CYP4X1: variants seen among roughly 807,000 people sequenced by gnomAD.
CYP4X1 encodes cytochrome P450 4X1.
A neutral mutation model predicts 57.9 loss-of-function variants in CYP4X1; 44 were observed. The observed-to-expected ratio is 0.76, with a 90% CI of 0.60 to 0.98. CYP4X1 has a LOEUF of 0.98. Among genes scored for constraint, CYP4X1 ranks in the 50% least tolerant of loss-of-function variants. CYP4X1 has a pLI of 0.00. For missense variants in CYP4X1, 532 were observed against 623.9 expected (o/e 0.85, Z 1.57); for synonymous variants, 227 against 228.6 (o/e 0.99, Z 0.06).
chr1:46,980,568 A>G, the CYP4X1 span, among the ~76,000 whole-genome samples: 3 of 152,244 alleles, frequency 2.0e-5, no homozygotes, highest in Non-Finnish European at 4.4e-5. Context: ...TGTAATTTAT[A>G]GATTCAATGC....
chr1:47,046,415 A>G, intron 8 of CYP4X1, 52 bp from the exon 9 acceptor site: 3 of 1,602,310 alleles, frequency 1.9e-6, no homozygotes, highest in Non-Finnish European at 2.6e-6. Flanking sequence ...AAAACAGAAA[A>G]AAAGTAAACT....
chr1:47,009,384 C>T, the CYP4X1 span, among the ~76,000 whole-genome samples: 3 of 151,806 alleles, frequency 2.0e-5, no homozygotes, highest in African/African-American at 7.3e-5. Flanking sequence ...CACAACATAC[C>T]AGAATTTATG....
At chr1:47,031,287 C>A in intron 2 of CYP4X1, 149 bp from the exon 3 acceptor site, 1 of 874,704 alleles carries the variant, frequency 1.1e-6, no homozygotes, top group Non-Finnish European at 1.8e-6. Flanking sequence ...TTTCCCCAGG[C>A]TGCCAAAGGC....
the CYP4X1 span, among the ~76,000 whole-genome samples, chr1:46,996,614 A>G: frequency 2.6e-5 from 4 of 152,282 alleles, no homozygotes; most frequent in Admixed American, 2.6e-4. Flanking sequence ...CTGTATGTAG[A>G]GTATGAGCTT....
intron 6 of CYP4X1, among the ~76,000 whole-genome samples, chr1:47,037,967 T>C (rs1003170165): frequency 3.3e-5 from 5 of 152,204 alleles, no homozygotes; most frequent in African/African-American, 1.2e-4. Flanking sequence ...AACGGATACA[T>C]GTACTGGTAT....
At chr1:46,987,014 A>T in the CYP4X1 span, among the ~76,000 whole-genome samples, 1 of 152,244 alleles carries the variant, frequency 6.6e-6, no homozygotes, top group South Asian at 2.1e-4. Context: ...AAAAGATCAA[A>T]TTCACACTAA....
At chr1:47,022,288 T>A (rs1171155000), upstream of CYP4X1, among the ~76,000 whole-genome samples, 1 of 138,086 alleles carries the variant, frequency 7.2e-6, no homozygotes, top group East Asian at 2.2e-4. Flanking sequence ...CCTGTCTTTT[T>A]TTTTTTTTTT....
At chr1:47,045,681 T>G (rs1211370834) in intron 8 of CYP4X1, among the ~76,000 whole-genome samples, 5 of 152,102 alleles carry the variant, frequency 3.3e-5, no homozygotes, top group African/African-American at 7.2e-5. Flanking sequence ...GGATAAGGAG[T>G]AAAGGGCTGG....
At chr1:46,962,730 G>T in the CYP4X1 span, among the ~76,000 whole-genome samples, 5 of 152,190 alleles carry the variant, frequency 3.3e-5, no homozygotes, top group African/African-American at 1.2e-4. Context: ...ATATTCTGTT[G>T]ATTTGGGGTG....
At chr1:46,979,382 T>C in the CYP4X1 span, among the ~76,000 whole-genome samples, 4 of 152,114 alleles carry the variant, frequency 2.6e-5, no homozygotes, top group African/African-American at 7.2e-5. Context: ...CTAGAAGACA[T>C]GGATAAATTC....
chr1:46,976,349 C>A, the CYP4X1 span, among the ~76,000 whole-genome samples: 1 of 152,158 alleles, frequency 6.6e-6, no homozygotes, highest in Non-Finnish European at 1.5e-5. Flanking sequence ...TCACTGCTAG[C>A]ACAGCAGTCC....
upstream of CYP4X1, among the ~76,000 whole-genome samples, chr1:47,022,984 G>A (rs981453700): frequency 3.9e-5 from 6 of 152,244 alleles, no homozygotes; most frequent in South Asian, 4.2e-4. Context: ...CCTGTTATCT[G>A]TACTCGAGTT....
the CYP4X1 span, among the ~76,000 whole-genome samples, chr1:47,007,621 A>G: frequency 6.6e-6 from 1 of 152,202 alleles, no homozygotes; most frequent in South Asian, 2.1e-4. Flanking sequence ...AGATGATCAA[A>G]CTACTCCAAG....
the CYP4X1 span, among the ~76,000 whole-genome samples, chr1:46,963,070 G>C: frequency 6.6e-6 from 1 of 152,130 alleles, no homozygotes; most frequent in Admixed American, 6.5e-5. Context: ...GACTAGAATT[G>C]CAACCCCTGC....
chr1:46,970,439 G>A, the CYP4X1 span, among the ~76,000 whole-genome samples: 56 of 152,214 alleles, frequency 3.7e-4, no homozygotes, highest in African/African-American at 9.6e-4. Context: ...AAGATGCCAC[G>A]TATGAACATA....
the CYP4X1 span, among the ~76,000 whole-genome samples, chr1:46,996,470 GGGGT>G: frequency 6.6e-6 from 1 of 152,320 alleles, no homozygotes; most frequent in Non-Finnish European, 1.5e-5. Flanking sequence ...CTCTCTATTC[GGGGT>G]GGTTTCTGTG....
At chr1:46,992,427 G>A in the CYP4X1 span, among the ~76,000 whole-genome samples, 2 of 152,166 alleles carry the variant, frequency 1.3e-5, no homozygotes, top group Non-Finnish European at 2.9e-5. Context: ...ACTTCCCCCA[G>A]TCCCTGGTTA....
chr1:46,982,730 T>C, the CYP4X1 span, among the ~76,000 whole-genome samples: 1 of 152,200 alleles, frequency 6.6e-6, no homozygotes. Context: ...GTGGCTCCTA[T>C]ATATTTCCTC....
At chr1:46,961,913 G>T in the CYP4X1 span, among the ~76,000 whole-genome samples, 1 of 152,152 alleles carries the variant, frequency 6.6e-6, no homozygotes, top group Non-Finnish European at 1.5e-5. Context: ...AGTCAGAGAA[G>T]GGGAGAGGAG....
Sources: gnomAD v4.1 joint callset for allele counts (sites outside exome capture counted in the v4.1 genomes callset) on GRCh38, gnomAD v4.1.1 for gene constraint, MANE v1.5 for transcripts, NCBI Gene and HGNC (gene_info 2026-07-23, HGNC 2026-07-21) for gene names.